The following PUS7 variants were observed in gnomAD, a reference collection of about 807,000 sequenced individuals.
The protein encoded by PUS7 is pseudouridylate synthase 7 homolog.
PUS7 carries 48 observed loss-of-function variants against 79.8 expected under a neutral mutation model. The observed-to-expected ratio is 0.60, with a 90% confidence interval of 0.48 to 0.76. The LOEUF (loss-of-function observed/expected upper bound fraction) is 0.76, where lower values mean the gene tolerates loss of function less well. Among genes scored for constraint, PUS7 ranks in the 30% least tolerant of loss-of-function variants. The probability of loss-of-function intolerance (pLI) is 0.00; values close to 1 mark genes in which losing one functional copy is unlikely to be tolerated. For missense variants in PUS7, 729 were observed against 797.6 expected (o/e 0.91, Z 1.04); for synonymous variants, 286 against 272.2 (o/e 1.05, Z -0.50).
At chr7:105,484,109 T>G (rs1035669762) in intron 7 of PUS7, among the ~76,000 whole-genome samples, 2 of 152,178 alleles carry the variant, frequency 1.3e-5, no homozygotes, top group African/African-American at 4.8e-5. Context: ...TAGGATAGTA[T>G]TTACTAGATT....
At chr7:105,492,545 G>A (rs2133180871) in intron 6 of PUS7, among the ~76,000 whole-genome samples, 1 of 120,662 alleles carries the variant, frequency 8.3e-6, no homozygotes, top group East Asian at 2.4e-4. Flanking sequence ...TCGCTCTGTC[G>A]CCCAGGCTGG....
chr7:105,520,559 TAAAA>T (rs1554355031), intron 1 of PUS7, among the ~76,000 whole-genome samples: 3 of 83,280 alleles, frequency 3.6e-5, no homozygotes, highest in African/African-American at 1.1e-4. Flanking sequence ...AATAAATAAA[TAAAA>T]ATACAAAAAT....
intron 1 of PUS7, among the ~76,000 whole-genome samples, chr7:105,512,133 A>C (rs1825726361): frequency 8.2e-6 from 1 of 122,544 alleles, no homozygotes. Context: ...TGACAGAGAG[A>C]GATTCTGTCT....
chr7:105,467,113 G>A (rs1176771130), intron 12 of PUS7, among the ~76,000 whole-genome samples: 1 of 130,588 alleles, frequency 7.7e-6, no homozygotes, highest in African/African-American at 2.9e-5. Context: ...TGAAAAAACA[G>A]AGAAAATACT....
intron 13 of PUS7, 77 bp downstream of exon 13, chr7:105,465,236 A>G: frequency 9.4e-7 from 1 of 1,063,540 alleles, no homozygotes; most frequent in Non-Finnish European, 1.4e-6. Flanking sequence ...TAAATAACCA[A>G]AGTTTATATA....
rs1200372702 is a variant in PUS7 at position 105,494,973 on chromosome 7, TAAAA to T, written c.842+165_842+168del. ...GCCTGAGTGACAGAGTGAGACTGTC[TAAAA>T]AAAAAAAAAAAAAAAGAAAGAAAGA... On this transcript the variant is annotated intron_variant, in intron 6 of 15. Coordinates refer to ENST00000469408, the MANE Select transcript of PUS7 (RefSeq NM_019042.5). 2.8e-3 allele frequency among the ~76,000 whole-genome samples: 239 copies of T among 85,894 alleles called. 1 individual carries two copies. The highest frequency in any genetic ancestry group is 9.6e-3 in the African/African-American group (227 of 23,554). 56.3% of individuals were successfully genotyped at this position (85,894 alleles called of 152,430 possible).
chr7:105,467,281 T>G (rs1331989247), intron 12 of PUS7, among the ~76,000 whole-genome samples: 1 of 124,318 alleles, frequency 8.0e-6, no homozygotes, highest in Non-Finnish European at 1.7e-5. Context: ...TATTTGAGTT[T>G]GAAGAAACTC....
At chr7:105,490,217 A>T (rs971539570) in intron 7 of PUS7, among the ~76,000 whole-genome samples, 2 of 152,174 alleles carry the variant, frequency 1.3e-5, no homozygotes, top group Non-Finnish European at 2.9e-5. Context: ...ACTGACATAC[A>T]CTGTACACAT....
chr7:105,484,287 G>T (rs1286476414), intron 7 of PUS7, among the ~76,000 whole-genome samples: 1 of 152,022 alleles, frequency 6.6e-6, no homozygotes, highest in Non-Finnish European at 1.5e-5. Context: ...CTGAAACTGT[G>T]TTTCTATATT....
Position 105,502,473 on chromosome 7 carries a change from T to C in PUS7, c.677A>G (p.Glu226Gly). The C allele has an allele frequency of 1.2e-6, 2 of 1,614,112 alleles. No homozygotes were observed. The highest frequency in any genetic ancestry group is 1.7e-6 in the Non-Finnish European group (2 of 1,180,014). The change falls in exon 5 of 16, where the codon GAG becomes GGG. Residue 226 changes from glutamate (E) to glycine (G), a missense_variant. Transcript: ENST00000469408. ...PGLETKTEDR[E>G]GKKYIVAYHA... ...GTAGGCTACAATGTATTTCTTCCCCTCCCTATCCTCTGTTTTTGTCTCTAA... is the reference window on the plus strand; with the variant it reads ...GTAGGCTACAATGTATTTCTTCCCCCCCCTATCCTCTGTTTTTGTCTCTAA...
Position 105,462,451 on chromosome 7 carries a change from A to C in PUS7, c.1757+170T>G, listed in dbSNP as rs567815144. The C allele has an allele frequency of 9.5e-4, 708 of 744,064 alleles. 5 individuals are homozygous for C. In the African/African-American group the frequency reaches 0.012, roughly 12 times the overall value. 46.1% of individuals were successfully genotyped at this position (744,064 alleles called of 1,614,324 possible). The stretch of plus-strand genomic sequence containing the variant: ...GTCTCAAAAAAAAACCAAAAAAAAA[A>C]CAAAAGGTAAGTAAAAATATGGTGT... On this transcript the variant is annotated intron_variant, in intron 14 of 15. Transcript: ENST00000469408.
chr7:105,467,004 C>T (rs940604808), intron 12 of PUS7, among the ~76,000 whole-genome samples: 2 of 140,672 alleles, frequency 1.4e-5, no homozygotes, highest in Non-Finnish European at 3.0e-5. Context: ...AGTTTGGAAT[C>T]AGATAGAACT....
At chr7:105,472,599 A>G (rs928160086) in intron 9 of PUS7, among the ~76,000 whole-genome samples, 4 of 152,200 alleles carry the variant, frequency 2.6e-5, no homozygotes, top group African/African-American at 7.2e-5. Flanking sequence ...TTGAAATGTA[A>G]AAGAACTTCA....
At chr7:105,485,641 CATTTTTTGAATCAACCATT>C (rs1037423420) in intron 7 of PUS7, among the ~76,000 whole-genome samples, 2 of 152,210 alleles carry the variant, frequency 1.3e-5, no homozygotes, top group Admixed American at 6.5e-5. Flanking sequence ...AGTTATCCAA[CATTTTTTGAATCAACCATT>C]ATTTTTTGAA....
At chr7:105,458,000 T>G in intron 15 of PUS7, 74 bp from the exon 16 acceptor site, 12 of 1,524,962 alleles carry the variant, frequency 7.9e-6, no homozygotes, top group African/African-American at 1.4e-5. Context: ...ACATAATCTC[T>G]AAGCAAATAC....
At chr7:105,458,076 G>GT in intron 15 of PUS7, 150 bp from the exon 16 acceptor site, 1 of 845,216 alleles carries the variant, frequency 1.2e-6, no homozygotes, top group Non-Finnish European at 1.7e-6. Context: ...GACCATGGAA[G>GT]TAAGAGATCT....
chr7:105,496,196 C>CATATATATAT lies in PUS7; in HGVS notation c.731-953_731-944dup, dbSNP rs1159713098. ...AAGTATGCATATCTACACACACACA[C>CATATATATAT]ATATATATATATATATATATATATA... On this transcript the variant is annotated intron_variant, in intron 5 of 15. Transcript: ENST00000469408. 4.9e-5 allele frequency among the ~76,000 whole-genome samples: 4 copies of CATATATATAT among 81,534 alleles called. No homozygotes were observed. In the East Asian group the frequency reaches 1.6e-3, roughly 33 times the overall value. 53.5% of individuals were successfully genotyped at this position (81,534 alleles called of 152,430 possible). A position where few individuals can be genotyped will look rare whatever the true frequency, so the allele number is the denominator to read the frequency against.
chr7:105,505,764 G>C, intron 4 of PUS7, among the ~76,000 whole-genome samples, 191 bp downstream of exon 4: 1 of 151,936 alleles, frequency 6.6e-6, no homozygotes, highest in Non-Finnish European at 1.5e-5. Context: ...CTTTGGGGGG[G>C]GCTATAGTTT....
At chr7:105,495,524 C>T (rs556740082) in intron 5 of PUS7, among the ~76,000 whole-genome samples, 2 of 151,330 alleles carry the variant, frequency 1.3e-5, no homozygotes, top group African/African-American at 2.4e-5. Flanking sequence ...GAGGCCAAGG[C>T]GGGCAAGATG....
Sources: gnomAD v4.1 joint callset for allele counts (sites outside exome capture counted in the v4.1 genomes callset) on GRCh38, gnomAD v4.1.1 for gene constraint, MANE v1.5 for transcripts, NCBI Gene and HGNC (gene_info 2026-07-23, HGNC 2026-07-21) for gene names.